Variants in ZNF565 observed in about 807,000 individuals in gnomAD.
ZNF565 encodes zinc finger protein 565.
Under a neutral mutation model 39.4 loss-of-function variants are expected in ZNF565, and 27 were observed. The ratio of observed to expected loss-of-function variants is 0.69; its 90% CI spans 0.51 to 0.95. The LOEUF (loss-of-function observed/expected upper bound fraction) is 0.95, where lower values mean the gene tolerates loss of function less well. ZNF565 is among the 40% of genes least tolerant of loss of function. The probability of loss-of-function intolerance (pLI) is 0.00; values close to 1 mark genes in which losing one functional copy is unlikely to be tolerated. For synonymous variants in ZNF565, 185 were observed against 216.6 expected (o/e 0.85, Z 1.28); for missense variants, 524 against 621.1 (o/e 0.84, Z 1.66).
chr19:36,201,286 A>G (rs1180754940), intron 2 of ZNF565, among the ~76,000 whole-genome samples: 1 of 152,140 alleles, frequency 6.6e-6, no homozygotes, highest in Non-Finnish European at 1.5e-5. Flanking sequence ...TGGGTGACAG[A>G]GCGAGACCCT....
At chr19:36,232,590 C>T (rs4239585) in intron 1 of ZNF565, among the ~76,000 whole-genome samples, 1 of 150,728 alleles carries the variant, frequency 6.6e-6, no homozygotes, top group Non-Finnish European at 1.5e-5. Context: ...AAATACTGAT[C>T]AGTTCTTTTT....
intron 1 of ZNF565, among the ~76,000 whole-genome samples, chr19:36,226,174 C>T (rs1416557071): frequency 2.0e-5 from 3 of 152,168 alleles, no homozygotes; most frequent in Non-Finnish European, 4.4e-5. Context: ...TCTGTATATC[C>T]AACTGCCTAA....
chr19:36,192,334 G>A (rs1055350815), intron 4 of ZNF565, among the ~76,000 whole-genome samples: 1 of 152,114 alleles, frequency 6.6e-6, no homozygotes, highest in Admixed American at 6.6e-5. Flanking sequence ...GTGATATACA[G>A]AGAAGAACAT....
intron 1 of ZNF565, among the ~76,000 whole-genome samples, chr19:36,232,316 C>T (rs1382709868): frequency 1.3e-5 from 2 of 151,636 alleles, no homozygotes; most frequent in Non-Finnish European, 2.9e-5. Context: ...GTAGGTACTA[C>T]TTATATAAAC....
chr19:36,209,330 T>C (rs906822758), intron 1 of ZNF565, among the ~76,000 whole-genome samples: 3 of 151,940 alleles, frequency 2.0e-5, no homozygotes, highest in African/African-American at 7.3e-5. Context: ...AGCCCATTTC[T>C]ACAAAAACAC....
chr19:36,192,844 T>C (rs954547122), intron 4 of ZNF565, among the ~76,000 whole-genome samples: 15 of 151,730 alleles, frequency 9.9e-5, no homozygotes, highest in Non-Finnish European at 1.2e-4. Flanking sequence ...GAGATAGACG[T>C]TCACTTTTGT....
intron 4 of ZNF565, among the ~76,000 whole-genome samples, chr19:36,193,458 T>G (rs1327145562): frequency 6.7e-6 from 1 of 148,588 alleles, no homozygotes. Context: ...TTTTTTTTTT[T>G]GAGACAGAGT....
intron 3 of ZNF565, 85 bp from the exon 4 acceptor site, chr19:36,194,413 T>C: frequency 9.4e-7 from 1 of 1,069,212 alleles, no homozygotes; most frequent in Non-Finnish European, 1.3e-6. Flanking sequence ...AAAGACGCAA[T>C]TACAAGGTAG....
At chr19:36,208,348 T>C (rs893628185) in intron 1 of ZNF565, among the ~76,000 whole-genome samples, 2 of 151,886 alleles carry the variant, frequency 1.3e-5, no homozygotes, top group Non-Finnish European at 2.9e-5. Flanking sequence ...ACCACAGGCA[T>C]GCCACTACAC....
At chr19:36,196,911 G>C (rs1039786961) in intron 2 of ZNF565, among the ~76,000 whole-genome samples, 1 of 152,088 alleles carries the variant, frequency 6.6e-6, no homozygotes. Flanking sequence ...CAAAAAATTA[G>C]CTGCGCGTGG....
chr19:36,212,309 G>T (rs1168918892), intron 1 of ZNF565, among the ~76,000 whole-genome samples: 1 of 152,032 alleles, frequency 6.6e-6, no homozygotes, highest in Non-Finnish European at 1.5e-5. Flanking sequence ...CGTGTCAAAG[G>T]AGTTACAAAA....
intron 1 of ZNF565, among the ~76,000 whole-genome samples, chr19:36,233,415 T>G (rs1977481864): frequency 6.6e-6 from 1 of 151,956 alleles, no homozygotes; most frequent in Non-Finnish European, 1.5e-5. Context: ...AGGACTGACT[T>G]GGAAAAGAAA....
chr19:36,231,094 C>T (rs984598921), intron 1 of ZNF565, among the ~76,000 whole-genome samples: 3 of 152,148 alleles, frequency 2.0e-5, no homozygotes, highest in African/African-American at 2.4e-5. Flanking sequence ...ATACGTGACA[C>T]GCGTAAACGT....
At chr19:36,218,971 G>T (rs1292603980), upstream of ZNF565, among the ~76,000 whole-genome samples, 3 of 149,244 alleles carry the variant, frequency 2.0e-5, no homozygotes, top group Non-Finnish European at 4.4e-5. Context: ...ACCACGTCCG[G>T]CTAATTTTTT....
chr19:36,215,442 C>G (rs998572018), upstream of ZNF565, among the ~76,000 whole-genome samples: 3 of 152,114 alleles, frequency 2.0e-5, no homozygotes, highest in African/African-American at 7.2e-5. Context: ...GTGATTGTGC[C>G]TAAGAGGGAG....
intron 4 of ZNF565, among the ~76,000 whole-genome samples, chr19:36,192,762 A>G (rs1049533255): frequency 6.6e-6 from 1 of 151,786 alleles, no homozygotes; most frequent in Admixed American, 6.6e-5. Flanking sequence ...TTGGCCTCCC[A>G]AAGTGCTGAG....
chr19:36,194,664 A>C (rs1394480206), intron 3 of ZNF565: 2 of 465,322 alleles, frequency 4.3e-6, no homozygotes, highest in Non-Finnish European at 7.9e-6. Flanking sequence ...CTATTCCTTG[A>C]TGCTCCTGGC....
chr19:36,210,640 C>G (rs1405067337), intron 1 of ZNF565, among the ~76,000 whole-genome samples: 1 of 144,496 alleles, frequency 6.9e-6, no homozygotes, highest in East Asian at 2.0e-4. Context: ...TTTTTTTTTT[C>G]CTGAGACAGG....
intron 1 of ZNF565, chr19:36,213,180 CAG>C (rs1976428763): frequency 1.5e-5 from 1 of 65,398 alleles, no homozygotes; most frequent in South Asian, 7.9e-4. Flanking sequence ...GCTGCACATA[CAG>C]TCAGTGTCAC....
Sources: gnomAD v4.1 joint callset for allele counts (sites outside exome capture counted in the v4.1 genomes callset) on GRCh38, gnomAD v4.1.1 for gene constraint, MANE v1.5 for transcripts, NCBI Gene and HGNC (gene_info 2026-07-23, HGNC 2026-07-21) for gene names.